VASH1: variants seen among roughly 807,000 people sequenced by gnomAD.
VASH1 encodes the protein vasohibin 1, also known as tubulinyl-Tyr carboxypeptidase 1.
Under a neutral mutation model 35.0 loss-of-function variants are expected in VASH1, and 16 were observed. That is an observed-to-expected ratio of 0.46 (90% CI 0.31 to 0.70). The LOEUF (loss-of-function observed/expected upper bound fraction) is 0.70. Ranked by LOEUF, VASH1 falls within the 30% of genes least tolerant of loss-of-function variation. The pLI, the probability that VASH1 is intolerant of heterozygous loss-of-function variation, is 0.05. For missense variants in VASH1, 505 were observed against 510.7 expected (o/e 0.99, Z 0.11); for synonymous variants, 214 against 200.9 (o/e 1.07, Z -0.55).
At position 76,779,057 on chromosome 14, in the gene VASH1, G is replaced by A; in HGVS notation, c.*39G>A. The A allele has an allele frequency of 1.9e-6, 3 of 1,608,458 alleles. No individual in the cohort carries two copies. The highest frequency in any genetic ancestry group is 2.6e-6 in the Non-Finnish European group (3 of 1,176,158). ...ACCCCAGGCCCCACCCACTCTTGGG[G>A]GCCAGGATCCACCTGCTGGAACCAG... On this transcript the variant is annotated 3_prime_UTR_variant, in exon 7 of 7. Transcript: ENST00000167106.
chr14:76,763,018 G>A lies in VASH1; in HGVS notation c.197G>A (p.Gly66Glu), dbSNP rs1311439897. The change falls in exon 1 of 7, where the codon GGG becomes GAG. Residue 66 changes from glycine (G) to glutamate (E), a missense_variant. Gly to Glu is a moderately conservative substitution (Grantham distance 98). Coordinates refer to ENST00000167106, the MANE Select transcript of VASH1 (RefSeq NM_014909.5). ...GTCCCCTTCTTTGTCAACCGGGGTG[G>A]GCTACCTGTGGATGAGGCCACCTGG... The part of the protein sequence containing the change: ...GGVPFFVNRG[G>E]LPVDEATWER... The A allele has an allele frequency of 1.3e-6, 2 of 1,548,928 alleles. No homozygotes were observed. The highest frequency in any genetic ancestry group is 2.4e-5 in the East Asian group (1 of 40,938).
intron 5 of VASH1, among the ~76,000 whole-genome samples, 180 bp downstream of exon 5, chr14:76,776,453 GGGA>G (rs1051423163): frequency 6.6e-6 from 1 of 152,186 alleles, no homozygotes; most frequent in African/African-American, 2.4e-5. Context: ...CGGCTGCGGA[GGGA>G]GGAGGTGGGT....
intron 3 of VASH1, 41 bp downstream of exon 3, chr14:76,771,287 T>C (rs1308596983): frequency 1.3e-6 from 2 of 1,549,784 alleles, no homozygotes; most frequent in South Asian, 1.2e-5. Context: ...AGGGCTGGCT[T>C]GGAGCTTCTT....
intron 3 of VASH1, 99 bp from the exon 4 acceptor site, chr14:76,773,038 T>A: frequency 8.4e-7 from 1 of 1,188,930 alleles, no homozygotes. Flanking sequence ...GCAGCCTCTG[T>A]CCTTCTAGCA....
intron 4 of VASH1, among the ~76,000 whole-genome samples, chr14:76,774,105 G>T (rs1893865494): frequency 6.6e-6 from 1 of 152,198 alleles, no homozygotes; most frequent in South Asian, 2.1e-4. Context: ...GTGACGGGGA[G>T]GGGGTCTGAT....
chr14:76,773,301 G>A, intron 4 of VASH1, 90 bp downstream of exon 4: 1 of 1,304,870 alleles, frequency 7.7e-7, no homozygotes, highest in Non-Finnish European at 1.1e-6. Context: ...GGTTGAATGG[G>A]CTCCAGGGCT....
chr14:76,767,457 A>T (rs1044482236), intron 1 of VASH1, among the ~76,000 whole-genome samples: 17 of 152,032 alleles, frequency 1.1e-4, no homozygotes, highest in Admixed American at 7.2e-4. Flanking sequence ...CTCCAGTGAG[A>T]ATGTCTCTGT....
chr14:76,779,007 A>G lies in VASH1; in HGVS notation c.1087A>G (p.Ile363Val), dbSNP rs767642853. The G allele has an allele frequency of 1.9e-6, 3 of 1,613,958 alleles. No individual in the cohort carries two copies. Among genetic ancestry groups the G allele is most frequent in the Non-Finnish European group, 2.5e-6 (3 of 1,180,030 alleles). ...CATGCCAGACCTTAACGGGTACCAG[A>G]TCCGGGTCTGAGGCGGATGCCAGCA... ...KAMPDLNGYQ[I>V]RV Residue 363 changes from isoleucine (I) to valine (V), a missense_variant, in exon 7 of 7, where the codon ATC becomes GTC. Ile to Val is a conservative substitution (Grantham distance 29). Coordinates refer to ENST00000167106, the MANE Select transcript of VASH1 (RefSeq NM_014909.5).
At position 76,778,009 on chromosome 14, in the gene VASH1, T is replaced by C; in HGVS notation, c.963T>C (p.Asp321=). 2 of 1,547,786 alleles carry C rather than the reference T, an allele frequency of 1.3e-6. No homozygotes were observed. Among genetic ancestry groups the C allele is most frequent in the Non-Finnish European group, 1.7e-6 (2 of 1,147,954 alleles). The change falls in exon 6 of 7, where the codon GAT becomes GAC. Residue 321 remains aspartate (D), a synonymous_variant. Coordinates refer to ENST00000167106, the MANE Select transcript of VASH1 (RefSeq NM_014909.5). ...PPSPTKDRKK[D]VSSPQRAQSS... is the part of the protein sequence containing the mutation. ...CTCCCACCAAGGACCGGAAGAAGGATGTTTCTTCCCCGCAGCGGGCCCAGT... is the reference window on the plus strand; with the variant it reads ...CTCCCACCAAGGACCGGAAGAAGGACGTTTCTTCCCCGCAGCGGGCCCAGT...
chr14:76,777,914 A>C, intron 5 of VASH1, 45 bp from the exon 6 acceptor site: 1 of 1,374,324 alleles, frequency 7.3e-7, no homozygotes, highest in Middle Eastern at 1.9e-4. Flanking sequence ...GTTGGGCTCC[A>C]GGGCAGTCCT....
chr14:76,770,118 A>T (rs1315935960), intron 2 of VASH1, 67 bp downstream of exon 2: 1 of 1,473,206 alleles, frequency 6.8e-7, no homozygotes, highest in Admixed American at 1.8e-5. Flanking sequence ...TTCCAGGCAG[A>T]GCTGGAGAGG....
rs775133704 is a variant in VASH1, at chr14:76,776,307, TCGCCCCCTCCCC to T, written c.912+41_912+52del. ...GCCTTCCACGCCCTCGCCCCCTCCC[TCGCCCCCTCCCC>T]CGCCCCAGCAGAGGCGATGTGAGGA... On this transcript the variant is annotated intron_variant, in intron 5 of 6. Transcript: ENST00000167106. 1.6e-5 allele frequency: 23 copies of T among 1,456,072 alleles called. 1 individual carries two copies. The highest frequency in any genetic ancestry group is 3.9e-5 in the South Asian group (3 of 76,358). 90.2% of individuals were successfully genotyped at this position (1,456,072 alleles called of 1,614,324 possible).
chr14:76,775,807 G>A (rs1031899760), intron 4 of VASH1, 85 bp from the exon 5 acceptor site: 2 of 1,467,660 alleles, frequency 1.4e-6, no homozygotes, highest in East Asian at 5.0e-5. Flanking sequence ...GCGGTGCGTG[G>A]ACCCCGTGGC....
intron 1 of VASH1, among the ~76,000 whole-genome samples, chr14:76,768,748 T>C (rs567546028): frequency 1.4e-4 from 21 of 152,256 alleles, no homozygotes; most frequent in African/African-American, 4.3e-4. Context: ...CCCTACCCCC[T>C]TCCCTTCACA....
intron 3 of VASH1, among the ~76,000 whole-genome samples, 157 bp downstream of exon 3, chr14:76,771,403 T>C (rs1315446702): frequency 1.3e-5 from 2 of 152,086 alleles, no homozygotes; most frequent in African/African-American, 4.8e-5. Flanking sequence ...GCCTTATGGA[T>C]GTCATAAAGA....
chr14:76,766,115 T>A (rs59123779), intron 1 of VASH1, among the ~76,000 whole-genome samples: 67 of 152,300 alleles, frequency 4.4e-4, no homozygotes, highest in African/African-American at 1.5e-3. Flanking sequence ...GTGCCTCTAA[T>A]AGATACCCAG....
At chr14:76,776,361 G>A in intron 5 of VASH1, 88 bp downstream of exon 5, 1 of 1,435,608 alleles carries the variant, frequency 7.0e-7, no homozygotes, top group Non-Finnish European at 9.2e-7. Context: ...GGACTGGGGA[G>A]CTTCTCAGGG....
intron 2 of VASH1, among the ~76,000 whole-genome samples, chr14:76,770,983 A>G (rs566237062): frequency 6.6e-5 from 10 of 152,290 alleles, no homozygotes; most frequent in African/African-American, 2.2e-4. Flanking sequence ...CTCTTGTCCT[A>G]AGAAGAGAAG....
At chr14:76,775,292 G>A (rs1436095874) in intron 4 of VASH1, among the ~76,000 whole-genome samples, 6 of 152,184 alleles carry the variant, frequency 3.9e-5, no homozygotes, top group East Asian at 1.9e-4. Context: ...GGAAAAGGCC[G>A]GTGTGAGAAA....
Sources: allele counts gnomAD v4.1 joint callset (sites outside exome capture counted in the v4.1 genomes callset), GRCh38; gene constraint gnomAD v4.1.1; transcripts MANE v1.5; gene names NCBI Gene and HGNC (gene_info 2026-07-23, HGNC 2026-07-21).